Variants in NKAIN3 observed in about 807,000 individuals in gnomAD.
NKAIN3 encodes sodium/potassium-transporting ATPase subunit beta-1-interacting protein 3.
Under a neutral mutation model 30.2 loss-of-function variants are expected in NKAIN3, and 25 were observed. The observed-to-expected ratio is 0.83, with a 90% CI of 0.60 to 1.16. The LOEUF (loss-of-function observed/expected upper bound fraction) is 1.16. Among genes scored for constraint, NKAIN3 ranks in the 50% most tolerant of loss-of-function variants. NKAIN3 has a pLI of 0.00. For synonymous variants in NKAIN3, 91 were observed against 89.6 expected (o/e 1.02, Z -0.09); for missense variants, 225 against 254.1 (o/e 0.89, Z 0.78).
At chr8:62,989,561 A>C (rs1280054955), downstream of NKAIN3, among the ~76,000 whole-genome samples, 1 of 152,122 alleles carries the variant, frequency 6.6e-6, no homozygotes. Context: ...AACTCCCACA[A>C]CATGTGGGAA....
intron 1 of NKAIN3, among the ~76,000 whole-genome samples, chr8:62,473,781 G>C (rs1365310062): frequency 2.7e-5 from 4 of 149,470 alleles, no homozygotes; most frequent in Non-Finnish European, 6.0e-5. Context: ...CTTTCTTCCT[G>C]AGTCCTTTCC....
At chr8:62,486,484 G>A (rs1806907515) in intron 1 of NKAIN3, among the ~76,000 whole-genome samples, 1 of 151,908 alleles carries the variant, frequency 6.6e-6, no homozygotes, top group Non-Finnish European at 1.5e-5. Context: ...TTAGATATTT[G>A]AAATATTTTC....
chr8:62,748,931 T>G (rs1816178713), intron 4 of NKAIN3, among the ~76,000 whole-genome samples: 1 of 152,304 alleles, frequency 6.6e-6, no homozygotes, highest in Middle Eastern at 3.4e-3. Context: ...AGCCATTACA[T>G]ACAAAATTGT....
intron 1 of NKAIN3, among the ~76,000 whole-genome samples, chr8:62,316,335 T>A (rs1317019053): frequency 6.6e-6 from 1 of 152,094 alleles, no homozygotes; most frequent in Non-Finnish European, 1.5e-5. Context: ...AAGGTGCAGG[T>A]TAGTTACATA....
chr8:62,651,995 T>C (rs756431617), intron 3 of NKAIN3, among the ~76,000 whole-genome samples: 4 of 152,148 alleles, frequency 2.6e-5, no homozygotes, highest in Non-Finnish European at 5.9e-5. Context: ...TCTTTTTCAT[T>C]ATAAATTATC....
At chr8:62,805,490 T>A (rs1818244508) in intron 4 of NKAIN3, among the ~76,000 whole-genome samples, 1 of 152,112 alleles carries the variant, frequency 6.6e-6, no homozygotes, top group Admixed American at 6.5e-5. Flanking sequence ...CCCTTGGAAA[T>A]AATGCCACAT....
chr8:62,818,041 T>G (rs923295626), intron 4 of NKAIN3, among the ~76,000 whole-genome samples: 13 of 152,300 alleles, frequency 8.5e-5, no homozygotes, highest in African/African-American at 2.6e-4. Flanking sequence ...AAACCTGAAC[T>G]AGCACTAATA....
chr8:62,486,048 T>G (rs1437891295), intron 1 of NKAIN3, among the ~76,000 whole-genome samples: 3 of 151,860 alleles, frequency 2.0e-5, no homozygotes, highest in Non-Finnish European at 4.4e-5. Context: ...TAAAAGAAAA[T>G]GTGGGAAATT....
chr8:62,572,802 T>C (rs940336320), intron 1 of NKAIN3, among the ~76,000 whole-genome samples: 3 of 152,112 alleles, frequency 2.0e-5, no homozygotes, highest in Non-Finnish European at 4.4e-5. Context: ...GATTCAATCA[T>C]CTCCCACTAG....
intron 1 of NKAIN3, among the ~76,000 whole-genome samples, chr8:62,546,956 G>A (rs902280586): frequency 3.9e-5 from 6 of 152,158 alleles, no homozygotes; most frequent in African/African-American, 1.4e-4. Flanking sequence ...CATGTGTGAT[G>A]CCAGGGAGGA....
chr8:62,706,600 C>A (rs1390729142), intron 3 of NKAIN3, among the ~76,000 whole-genome samples: 1 of 151,938 alleles, frequency 6.6e-6, no homozygotes. Context: ...ATATACACCC[C>A]TTTGCTATCA....
chr8:62,691,817 C>T (rs904717638), intron 3 of NKAIN3, among the ~76,000 whole-genome samples: 4 of 152,020 alleles, frequency 2.6e-5, no homozygotes, highest in Non-Finnish European at 5.9e-5. Context: ...AATGTGGCTG[C>T]AAAACAAGCC....
At position 62,833,368 on chromosome 8, in the gene NKAIN3, C is replaced by A. The variant is rs565819497; in HGVS notation, c.472-85085C>A. 5.3e-5 allele frequency among the ~76,000 whole-genome samples: 8 copies of A among 151,978 alleles called. No homozygotes were observed. In the East Asian group the frequency reaches 1.4e-3, roughly 26 times the overall value. ...CAAAATTAAGATGTACAAATCCATACAACCGATCAACAAAACCAAAAATTG... is the reference window on the plus strand; with the variant it reads ...CAAAATTAAGATGTACAAATCCATAAAACCGATCAACAAAACCAAAAATTG... On this transcript the variant is annotated intron_variant, in intron 4 of 6. Transcript: ENST00000623646.
At chr8:62,512,412 C>A (rs1331574015) in intron 1 of NKAIN3, among the ~76,000 whole-genome samples, 2 of 152,132 alleles carry the variant, frequency 1.3e-5, no homozygotes, top group African/African-American at 2.4e-5. Flanking sequence ...ATGTTCTCAC[C>A]TCTGATCAGA....
At chr8:62,660,824 G>A (rs1812921878) in intron 3 of NKAIN3, among the ~76,000 whole-genome samples, 1 of 152,184 alleles carries the variant, frequency 6.6e-6, no homozygotes, top group Admixed American at 6.5e-5. Flanking sequence ...AGCCAAAGGA[G>A]ATGTCTGGGA....
chr8:62,686,879 G>A (rs902955399), intron 3 of NKAIN3, among the ~76,000 whole-genome samples: 4 of 152,124 alleles, frequency 2.6e-5, no homozygotes, highest in African/African-American at 9.7e-5. Flanking sequence ...CACAAAAACT[G>A]CAAGATCCCT....
chr8:62,650,216 C>T (rs1812583526), intron 3 of NKAIN3, among the ~76,000 whole-genome samples: 1 of 152,120 alleles, frequency 6.6e-6, no homozygotes, highest in African/African-American at 2.4e-5. Context: ...TCATCACAGT[C>T]TCAATTTATT....
At chr8:62,379,158 G>T (rs1396805766) in intron 1 of NKAIN3, among the ~76,000 whole-genome samples, 1 of 152,190 alleles carries the variant, frequency 6.6e-6, no homozygotes, top group South Asian at 2.1e-4. Context: ...CTTACATGGG[G>T]CCTGTAGCCC....
At chr8:62,579,198 C>T (rs998926004) in intron 1 of NKAIN3, among the ~76,000 whole-genome samples, 2 of 151,754 alleles carry the variant, frequency 1.3e-5, no homozygotes, top group African/African-American at 4.8e-5. Flanking sequence ...CATAATTAAA[C>T]ATAATTTTTA....
Sources: gnomAD v4.1 joint callset for allele counts (sites outside exome capture counted in the v4.1 genomes callset) on GRCh38, gnomAD v4.1.1 for gene constraint, MANE v1.5 for transcripts, NCBI Gene and HGNC (gene_info 2026-07-23, HGNC 2026-07-21) for gene names.